PRKDC: variants seen among roughly 807,000 people sequenced by gnomAD.
PRKDC encodes the protein protein kinase, DNA-activated, catalytic subunit.
A neutral mutation model predicts 486.9 loss-of-function variants in PRKDC; 82 were observed. That is an observed-to-expected ratio of 0.17 (90% CI 0.14 to 0.20). PRKDC has a LOEUF of 0.20. PRKDC is among the 10% of genes least tolerant of loss of function. PRKDC has a pLI of 1.00. For synonymous variants in PRKDC, 1,895 were observed against 1,837.0 expected, an observed-to-expected ratio of 1.03 and a Z score of -0.81; for missense variants, 4,504 against 5,038.2, an observed-to-expected ratio of 0.89 and a Z score of 3.21.
intron 68 of PRKDC, among the ~76,000 whole-genome samples, chr8:47,809,383 G>A (rs1252421746): frequency 1.3e-5 from 2 of 152,114 alleles, no homozygotes; most frequent in East Asian, 3.9e-4. Flanking sequence ...ATACAAGTGG[G>A]TACTGGATTA....
chr8:47,822,548 T>C lies in PRKDC; in HGVS notation c.8923-756A>G, dbSNP rs144608542. On this transcript the variant is annotated intron_variant, in intron 64 of 85. Coordinates refer to ENST00000314191, the MANE Select transcript of PRKDC (RefSeq NM_006904.7). ...GCTCAAGCCTGTAATCCCAGCACTT[T>C]GGGAGGCCGAGGCGGGCGGATCACA... 8.7e-3 allele frequency among the ~76,000 whole-genome samples: 1,320 copies of C among 152,240 alleles called. 17 individuals are homozygous for C. The highest frequency in any genetic ancestry group is 0.028 in the African/African-American group (1,177 of 41,524).
At chr8:47,830,867 C>A (rs1589726949) in intron 60 of PRKDC, 131 bp from the exon 61 acceptor site, 5 of 1,105,262 alleles carry the variant, frequency 4.5e-6, no homozygotes, top group East Asian at 2.4e-5. Context: ...CTCGCAGAGG[C>A]TCAGTCGCCG....
chr8:47,902,647 TAAA>T lies in PRKDC; in HGVS notation c.3188_3190del (p.Leu1063_Tyr1064delinsHis). 1 of 1,613,852 alleles carries T rather than the reference TAAA, an allele frequency of 6.2e-7. No homozygotes were observed. Among genetic ancestry groups the T allele is most frequent in the Non-Finnish European group, 8.5e-7 (1 of 1,179,780 alleles). On this transcript the variant is annotated inframe_deletion, in exon 27 of 86. Coordinates refer to ENST00000314191, the MANE Select transcript of PRKDC (RefSeq NM_006904.7). ...AGCATTGGGGTGAAGCGCAAGGCTA[TAAA>T]GTCGCTTGAAAAGCGATTTGGTGTT...
At chr8:47,779,583 C>T (rs2086664610) in intron 80 of PRKDC, among the ~76,000 whole-genome samples, 1 of 152,172 alleles carries the variant, frequency 6.6e-6, no homozygotes, top group African/African-American at 2.4e-5. Context: ...TAGACCACTT[C>T]CACATCTTTT....
At chr8:47,825,711 CA>C (rs1432431084) in intron 63 of PRKDC, among the ~76,000 whole-genome samples, 2 of 152,046 alleles carry the variant, frequency 1.3e-5, no homozygotes, top group African/African-American at 4.8e-5. Context: ...AGTAAACATA[CA>C]AGGTGTCACT....
rs556867627 is a variant in PRKDC at position 47,957,098 on chromosome 8, C to G, written c.324+73G>C. Reference sequence around the variant, plus strand: ...AATGTTTTATCTTTAAAATAAAAATCCAAGTTCCTCACACCATAAGTTAAA... The same window carrying G: ...AATGTTTTATCTTTAAAATAAAAATGCAAGTTCCTCACACCATAAGTTAAA... On this transcript the variant is annotated intron_variant, in intron 3 of 85. Transcript: ENST00000314191. 14 of 986,232 alleles carry G rather than the reference C, an allele frequency of 1.4e-5. No homozygotes were observed. The South Asian group carries it at 1.9e-4, about 14-fold the overall frequency. 61.1% of individuals were successfully genotyped at this position (986,232 alleles called of 1,614,324 possible). A position where few individuals can be genotyped will look rare whatever the true frequency, so the allele number is the denominator to read the frequency against.
intron 40 of PRKDC, among the ~76,000 whole-genome samples, chr8:47,867,693 T>C (rs544518444): frequency 2.0e-5 from 3 of 152,284 alleles, no homozygotes; most frequent in Non-Finnish European, 4.4e-5. Flanking sequence ...GAAAAGAAGT[T>C]ACATTAAAAT....
chr8:47,907,407 T>TAC (rs1343226141), intron 25 of PRKDC, among the ~76,000 whole-genome samples: 4 of 149,804 alleles, frequency 2.7e-5, no homozygotes, highest in African/African-American at 7.5e-5. Flanking sequence ...TATATATATA[T>TAC]ATATACACAC....
chr8:47,881,938 G>A lies in PRKDC; in HGVS notation c.4936C>T (p.Leu1646=), dbSNP rs1554638426. 6.2e-7 allele frequency: 1 copy of A among 1,613,386 alleles called. No individual in the cohort carries two copies. Among genetic ancestry groups the A allele is most frequent in the Non-Finnish European group, 8.5e-7 (1 of 1,179,522 alleles). ...DSPLETKMAV[L]ALLAKILQID... is the part of the protein sequence containing the mutation. ...TGTAAAATTTTTGCCAGTAAGGCCA[G>A]CACTGCCATTTTAGTTTCGAGAGGG... Residue 1646 remains leucine, a synonymous_variant, in exon 37 of 86, where the codon CTG becomes TTG. Coordinates refer to ENST00000314191, the MANE Select transcript of PRKDC (RefSeq NM_006904.7).
intron 4 of PRKDC, among the ~76,000 whole-genome samples, chr8:47,955,147 C>G (rs2154504632): frequency 6.6e-6 from 1 of 151,316 alleles, no homozygotes; most frequent in South Asian, 2.1e-4. Flanking sequence ...GAACAAGACT[C>G]TGTCTCAAAA....
chr8:47,932,925 T>A lies in PRKDC; in HGVS notation c.1776+95A>T. ...TGAAGAACCAAATTTTCTCCAGTTCTCCTCTACAAATGTGCTATTGTCCCC... is the reference window on the plus strand; with the variant it reads ...TGAAGAACCAAATTTTCTCCAGTTCACCTCTACAAATGTGCTATTGTCCCC... On this transcript the variant is annotated intron_variant, in intron 16 of 85. Coordinates refer to ENST00000314191, the MANE Select transcript of PRKDC (RefSeq NM_006904.7). The A allele has an allele frequency of 2.7e-6, 3 of 1,127,922 alleles. No homozygotes were observed. In the South Asian group the frequency reaches 5.4e-5, roughly 20 times the overall value. 69.9% of individuals were successfully genotyped at this position (1,127,922 alleles called of 1,614,324 possible).
intron 25 of PRKDC, among the ~76,000 whole-genome samples, chr8:47,909,944 A>T (rs1451548026): frequency 6.6e-6 from 1 of 152,034 alleles, no homozygotes; most frequent in African/African-American, 2.4e-5. Context: ...AGTAATTCTA[A>T]TTTTGCCTTG....
chr8:47,943,095 A>G, intron 10 of PRKDC, 114 bp downstream of exon 10: 3 of 1,283,166 alleles, frequency 2.3e-6, no homozygotes, highest in Non-Finnish European at 3.2e-6. Flanking sequence ...TGCTTTAAAT[A>G]CTACAGAAGC....
intron 10 of PRKDC, among the ~76,000 whole-genome samples, chr8:47,940,220 C>CA (rs149697495): frequency 0.013 from 2,038 of 152,156 alleles, 54 homozygotes; most frequent in African/African-American, 0.046. Context: ...TCTCAGTTTT[C>CA]AAAAAAATAA....
At chr8:47,898,766 C>G (rs973897263) in intron 28 of PRKDC, among the ~76,000 whole-genome samples, 197 bp from the exon 29 acceptor site, 8 of 152,114 alleles carry the variant, frequency 5.3e-5, no homozygotes, top group Non-Finnish European at 1.5e-5. Context: ...ACACAAAACC[C>G]CTATTTAAGA....
intron 76 of PRKDC, among the ~76,000 whole-genome samples, chr8:47,787,478 C>T (rs1275973127): frequency 1.3e-5 from 2 of 152,222 alleles, no homozygotes; most frequent in Non-Finnish European, 2.9e-5. Flanking sequence ...TGAGGCACTT[C>T]GCTTTGGTAG....
intron 4 of PRKDC, among the ~76,000 whole-genome samples, 162 bp from the exon 5 acceptor site, chr8:47,954,608 C>A (rs1052190188): frequency 1.3e-5 from 2 of 152,132 alleles, no homozygotes; most frequent in African/African-American, 4.8e-5. Context: ...CAAGGATTTA[C>A]ACTTGGTCTC....
chr8:47,839,493 G>A (rs1156889619), intron 55 of PRKDC, among the ~76,000 whole-genome samples: 2 of 152,292 alleles, frequency 1.3e-5, no homozygotes, highest in Non-Finnish European at 2.9e-5. Flanking sequence ...GTCCTGTGAC[G>A]CTCAGCTGTG....
chr8:47,839,660 G>A (rs1464923616), intron 55 of PRKDC, among the ~76,000 whole-genome samples: 1 of 152,080 alleles, frequency 6.6e-6, no homozygotes, highest in African/African-American at 2.4e-5. Flanking sequence ...TTTTTAAAAG[G>A]ATACAATTAG....
Sources: gnomAD v4.1 joint callset for allele counts (sites outside exome capture counted in the v4.1 genomes callset) on GRCh38, gnomAD v4.1.1 for gene constraint, MANE v1.5 for transcripts, NCBI Gene and HGNC (gene_info 2026-07-23, HGNC 2026-07-21) for gene names.